TRPC1: variants seen among roughly 807,000 people sequenced by gnomAD.
TRPC1 encodes the protein short transient receptor potential channel 1.
A neutral mutation model predicts 88.2 loss-of-function variants in TRPC1; 42 were observed. The ratio of observed to expected loss-of-function variants is 0.48; its 90% CI spans 0.37 to 0.62. TRPC1 has a LOEUF of 0.62. Among genes scored for constraint, TRPC1 ranks in the 20% least tolerant of loss-of-function variants. TRPC1 has a pLI of 0.00. For missense variants in TRPC1, 699 were observed against 957.3 expected (o/e 0.73, Z 3.56); for synonymous variants, 288 against 331.8 (o/e 0.87, Z 1.43).
intron 2 of TRPC1, among the ~76,000 whole-genome samples, chr3:142,738,764 G>A (rs1934233529): frequency 6.6e-6 from 1 of 152,104 alleles, no homozygotes; most frequent in South Asian, 2.1e-4. Context: ...ACATTATTTA[G>A]AAATATAGAA....
At chr3:142,758,642 T>C (rs192934789) in intron 4 of TRPC1, among the ~76,000 whole-genome samples, 1 of 152,240 alleles carries the variant, frequency 6.6e-6, no homozygotes, top group East Asian at 1.9e-4. Context: ...GTAATCTCAA[T>C]TGTCTATTTT....
At chr3:142,805,869 A>AACATG in intron 12 of TRPC1, 139 bp from the exon 13 acceptor site, 1 of 668,660 alleles carries the variant, frequency 1.5e-6, no homozygotes, top group Admixed American at 3.3e-5. Flanking sequence ...CAAGTGTTGA[A>AACATG]TATTATACCA....
At chr3:142,752,104 C>T (rs576398608) in intron 4 of TRPC1, among the ~76,000 whole-genome samples, 7 of 151,986 alleles carry the variant, frequency 4.6e-5, no homozygotes, top group South Asian at 2.1e-4. Context: ...GGATGAGAGA[C>T]GGAGAAAAGA....
chr3:142,790,128 G>A (rs1936251121), intron 7 of TRPC1, among the ~76,000 whole-genome samples: 1 of 152,200 alleles, frequency 6.6e-6, no homozygotes, highest in South Asian at 2.1e-4. Context: ...ATGAAAAAGT[G>A]AGGTAGTTAG....
intron 3 of TRPC1, among the ~76,000 whole-genome samples, chr3:142,748,028 G>A (rs1934621819): frequency 6.6e-6 from 1 of 152,058 alleles, no homozygotes; most frequent in East Asian, 1.9e-4. Context: ...CTAGTTAAAT[G>A]AATGTTACCT....
At chr3:142,736,273 A>C (rs1934133501) in intron 1 of TRPC1, 106 bp from the exon 2 acceptor site, 2 of 801,266 alleles carry the variant, frequency 2.5e-6, no homozygotes, top group South Asian at 6.4e-5. Flanking sequence ...TACAAAAATG[A>C]GTTTAGGCTT....
At chr3:142,747,750 T>C (rs1192381940) in intron 3 of TRPC1, among the ~76,000 whole-genome samples, 1 of 152,248 alleles carries the variant, frequency 6.6e-6, no homozygotes, top group African/African-American at 2.4e-5. Flanking sequence ...TAGAAAATTA[T>C]ACAAAATGAA....
At chr3:142,768,962 A>G (rs1935485140) in intron 4 of TRPC1, among the ~76,000 whole-genome samples, 1 of 152,122 alleles carries the variant, frequency 6.6e-6, no homozygotes, top group African/African-American at 2.4e-5. Context: ...AAATATTCAT[A>G]TATAGTCTTT....
intron 4 of TRPC1, among the ~76,000 whole-genome samples, chr3:142,762,526 T>G (rs1246885879): frequency 1.3e-5 from 2 of 150,800 alleles, no homozygotes; most frequent in Non-Finnish European, 3.0e-5. Flanking sequence ...CCTCCCGGGT[T>G]GAAGCAATTC....
rs995368819 is a variant in TRPC1 at position 142,806,648 on chromosome 3, ATC to A, written c.*417_*418del. 2.6e-5 allele frequency: 4 copies of A among 154,036 alleles called. No individual in the cohort carries two copies. Among genetic ancestry groups the A allele is most frequent in the East Asian group, 1.9e-4 (1 of 5,258 alleles). The allele number at this position is 154,036 out of a possible 1,614,324, so 9.5% of individuals were successfully genotyped here. A position where few individuals can be genotyped will look rare whatever the true frequency, so the allele number is the denominator to read the frequency against. On this transcript the variant is annotated 3_prime_UTR_variant, in exon 13 of 13. Coordinates refer to ENST00000476941, the MANE Select transcript of TRPC1 (RefSeq NM_001251845.2). ...GAAATATAGAAGTTATGTTTTAAATATCTCTGTTTTAGGAGTTCACATATAGT... is the reference window on the plus strand; with the variant it reads ...GAAATATAGAAGTTATGTTTTAAATATCTGTTTTAGGAGTTCACATATAGT...
intron 4 of TRPC1, among the ~76,000 whole-genome samples, chr3:142,749,625 T>G (rs1934680512): frequency 6.6e-6 from 1 of 151,810 alleles, no homozygotes; most frequent in African/African-American, 2.4e-5. Context: ...AATAAAAAAT[T>G]TTACAAAGAA....
At chr3:142,798,404 T>A (rs982823744) in intron 9 of TRPC1, among the ~76,000 whole-genome samples, 1 of 152,098 alleles carries the variant, frequency 6.6e-6, no homozygotes, top group Non-Finnish European at 1.5e-5. Context: ...TAGTATGAAG[T>A]CAAAAATACT....
rs1304147645 is a variant in TRPC1 at position 142,777,695 on chromosome 3, T to C, written c.696T>C (p.Asp232=). 3 of 1,613,298 alleles carry C rather than the reference T, an allele frequency of 1.9e-6. No individual in the cohort carries two copies. The South Asian group carries it at 3.3e-5, about 18-fold the overall frequency. ...CTCTAATAATGTTAACAGAGGAGGA[T>C]CCAATTCTGAGAGCATTTGAACTTA... The part of the protein sequence containing the change: ...SPALIMLTEE[D]PILRAFELSA... Residue 232 remains aspartate (D), a synonymous_variant, in exon 5 of 13, where the codon GAT becomes GAC. Transcript: ENST00000476941.
intron 7 of TRPC1, among the ~76,000 whole-genome samples, chr3:142,787,492 G>C (rs1936169039): frequency 6.6e-6 from 1 of 152,098 alleles, no homozygotes; most frequent in South Asian, 2.1e-4. Flanking sequence ...AAGCAAGGTA[G>C]GTAAAAAGAG....
intron 9 of TRPC1, among the ~76,000 whole-genome samples, chr3:142,796,161 G>A (rs558692194): frequency 1.6e-4 from 24 of 152,122 alleles, no homozygotes; most frequent in South Asian, 6.2e-4. Context: ...AGTAACTTGC[G>A]CAAGGTCACA....
At chr3:142,804,701 C>G (rs576899651) in intron 12 of TRPC1, 71 bp downstream of exon 12, 8 of 1,440,788 alleles carry the variant, frequency 5.6e-6, no homozygotes, top group African/African-American at 2.9e-5. Context: ...TTTCTTAAAG[C>G]GTAAGTATGC....
Position 142,792,709 on chromosome 3 carries a change from T to C in TRPC1, c.1438-115T>C. ...AAACCCTATAAAACATAAGTGGAGA[T>C]CCCCTATAAGAAGACAAAATTAAAA... is the stretch of plus-strand genomic sequence containing the variant. On this transcript the variant is annotated intron_variant, in intron 8 of 12. Transcript: ENST00000476941. This position sits in a 1 kb window ranked among gnomAD's most constrained non-coding sequence, Gnocchi z 4.0. 1 of 894,608 alleles carries C rather than the reference T, an allele frequency of 1.1e-6. No individual in the cohort carries two copies. The highest frequency in any genetic ancestry group is 1.6e-6 in the Non-Finnish European group (1 of 644,148). 55.4% of individuals were successfully genotyped at this position (894,608 alleles called of 1,614,324 possible). A position where few individuals can be genotyped will look rare whatever the true frequency, so the allele number is the denominator to read the frequency against.
At position 142,784,745 on chromosome 3, in the gene TRPC1, T is replaced by C. The variant is rs1280471367; in HGVS notation, c.1002T>C (p.Val334=). 6.2e-7 allele frequency: 1 copy of C among 1,614,046 alleles called. No homozygotes were observed. Among genetic ancestry groups the C allele is most frequent in the South Asian group, 1.1e-5 (1 of 91,036 alleles). Residue 334 remains valine, a synonymous_variant, in exon 7 of 13, where the codon GTT becomes GTC. Transcript: ENST00000476941. ...QSNCQQFLNT[V]WFGQMSGYRR... Reference sequence around the variant, plus strand: ...ACTGCCAGCAGTTCCTGAACACTGTTTGGTTTGGACAGATGTCGGGTTACC... The same window carrying C: ...ACTGCCAGCAGTTCCTGAACACTGTCTGGTTTGGACAGATGTCGGGTTACC...
In TRPC1 at chr3:142,806,275, G is replaced by T; in HGVS notation, c.*40G>T. On this transcript the variant is annotated 3_prime_UTR_variant, in exon 13 of 13. Coordinates refer to ENST00000476941, the MANE Select transcript of TRPC1 (RefSeq NM_001251845.2). Reference sequence around the variant, plus strand: ...ATGGAGCGAATAATTTTCAATAACAGATCCAAAAGACTATATTGCATAACT... The same window carrying T: ...ATGGAGCGAATAATTTTCAATAACATATCCAAAAGACTATATTGCATAACT... 6.7e-7 allele frequency: 1 copy of T among 1,493,726 alleles called. No individual in the cohort carries two copies. The highest frequency in any genetic ancestry group is 9.2e-7 in the Non-Finnish European group (1 of 1,087,234). 92.5% of individuals were successfully genotyped at this position (1,493,726 alleles called of 1,614,324 possible). A position where few individuals can be genotyped will look rare whatever the true frequency, so the allele number is the denominator to read the frequency against.
Sources: allele counts gnomAD v4.1 joint callset (sites outside exome capture counted in the v4.1 genomes callset), GRCh38; gene constraint gnomAD v4.1.1; non-coding constraint Gnocchi (gnomAD v3.1); transcripts MANE v1.5; gene names NCBI Gene and HGNC (gene_info 2026-07-23, HGNC 2026-07-21).